The following GRM1 variants were observed in gnomAD, a reference collection of about 807,000 sequenced individuals.
GRM1 encodes the protein metabotropic glutamate receptor 1.
A neutral mutation model predicts 90.9 loss-of-function variants in GRM1; 33 were observed. The observed-to-expected ratio is 0.36, with a 90% CI of 0.28 to 0.49. The LOEUF is 0.49. Ranked by LOEUF, GRM1 falls within the 20% of genes least tolerant of loss-of-function variation. The probability of loss-of-function intolerance (pLI) is 0.99; values close to 1 mark genes in which losing one functional copy is unlikely to be tolerated. For missense variants in GRM1, 1,190 were observed against 1,534.3 expected (o/e 0.78, Z 3.75); for synonymous variants, 700 against 613.2 (o/e 1.14, Z -2.09).
At chr6:146,091,921 T>G (rs1776728187) in intron 1 of GRM1, among the ~76,000 whole-genome samples, 1 of 152,110 alleles carries the variant, frequency 6.6e-6, no homozygotes, top group Admixed American at 6.6e-5. Context: ...ACAAACATGG[T>G]GGCATCTTTG....
chr6:146,420,442 G>A (rs1777952506), intron 7 of GRM1, among the ~76,000 whole-genome samples: 1 of 152,236 alleles, frequency 6.6e-6, no homozygotes, highest in African/African-American at 2.4e-5. Flanking sequence ...GTGGTAGACT[G>A]ATTTTTATCA....
At chr6:146,307,615 C>G (rs1783624277) in intron 3 of GRM1, among the ~76,000 whole-genome samples, 2 of 152,124 alleles carry the variant, frequency 1.3e-5, no homozygotes, top group African/African-American at 4.8e-5. Context: ...CCATAATCTT[C>G]TAACAAATAT....
intron 1 of GRM1, among the ~76,000 whole-genome samples, chr6:146,116,209 G>A (rs1196235374): frequency 6.6e-6 from 1 of 151,966 alleles, no homozygotes; most frequent in Non-Finnish European, 1.5e-5. Flanking sequence ...TGCCCACCCC[G>A]GCCTCCCAAA....
chr6:146,159,691 A>T, intron 2 of GRM1, 94 bp downstream of exon 2: 1 of 1,244,666 alleles, frequency 8.0e-7, no homozygotes, highest in Admixed American at 1.9e-5. Context: ...GCTTGCTTTC[A>T]CAAAACTAGA....
intron 3 of GRM1, 99 bp downstream of exon 3, chr6:146,304,945 A>C (rs1783523091): frequency 1.5e-5 from 13 of 851,002 alleles, no homozygotes; most frequent in Non-Finnish European, 2.6e-5. Context: ...AGGGCTAGAG[A>C]TCCAAAGACA....
At chr6:146,266,326 T>G (rs909276383) in intron 2 of GRM1, among the ~76,000 whole-genome samples, 2 of 152,244 alleles carry the variant, frequency 1.3e-5, no homozygotes, top group Non-Finnish European at 2.9e-5. Context: ...GATTTTGAAT[T>G]ATAACTTAAA....
intron 1 of GRM1, among the ~76,000 whole-genome samples, chr6:146,067,347 A>C (rs984701187): frequency 1.3e-5 from 2 of 152,160 alleles, no homozygotes; most frequent in Non-Finnish European, 2.9e-5. Context: ...GTATAAACTA[A>C]ATTTATGTTT....
intron 1 of GRM1, among the ~76,000 whole-genome samples, chr6:146,109,618 G>A (rs539243838): frequency 5.9e-5 from 9 of 152,294 alleles, no homozygotes; most frequent in South Asian, 4.1e-4. Context: ...CTGTGGCACC[G>A]CCTAGTGGAG....
At chr6:146,084,495 C>G (rs915805329) in intron 1 of GRM1, among the ~76,000 whole-genome samples, 2 of 152,032 alleles carry the variant, frequency 1.3e-5, no homozygotes, top group African/African-American at 2.4e-5. Flanking sequence ...TAATTATTTA[C>G]CCAGGAATCA....
rs189343836 is a variant in GRM1 at position 146,215,819 on chromosome 6, C to G, written c.950+56222C>G. Among the ~76,000 whole-genome samples the G allele has an allele frequency of 8.9e-3, 1,337 of 150,860 alleles. 20 individuals carry two copies. Among genetic ancestry groups the G allele is most frequent in the African/African-American group, 0.03 (1,228 of 41,050 alleles). ...TTGCCCAGGCTGGAGTGCAGTGGCT[C>G]GATCTCAGCTCACTGTAAGCTCCGC... On this transcript the variant is annotated intron_variant, in intron 2 of 7. Transcript: ENST00000282753.
intron 2 of GRM1, among the ~76,000 whole-genome samples, chr6:146,214,047 C>T (rs551869148): frequency 2.6e-5 from 4 of 152,210 alleles, no homozygotes; most frequent in Admixed American, 1.3e-4. Context: ...CCAATTCACC[C>T]TTTTTTCTAA....
chr6:146,167,923 A>G (rs1485832820), intron 2 of GRM1, among the ~76,000 whole-genome samples: 1 of 151,998 alleles, frequency 6.6e-6, no homozygotes, highest in Non-Finnish European at 1.5e-5. Context: ...TTTATGGTTT[A>G]TATTCTTTGT....
intron 7 of GRM1, among the ~76,000 whole-genome samples, chr6:146,427,813 A>T (rs533483621): frequency 6.6e-6 from 1 of 152,300 alleles, no homozygotes; most frequent in South Asian, 2.1e-4. Context: ...GAAGGCACTG[A>T]GTGTTTCTTG....
At chr6:146,247,509 G>A (rs1194555745) in intron 2 of GRM1, among the ~76,000 whole-genome samples, 2 of 152,092 alleles carry the variant, frequency 1.3e-5, no homozygotes, top group Non-Finnish European at 2.9e-5. Context: ...AGCACTTTGG[G>A]AGGCTGAGGC....
At chr6:146,262,381 T>A (rs1472094568) in intron 2 of GRM1, among the ~76,000 whole-genome samples, 2 of 152,076 alleles carry the variant, frequency 1.3e-5, no homozygotes, top group African/African-American at 4.8e-5. Flanking sequence ...CAAAAGTATC[T>A]TAAGTAAATT....
rs140141247 is a variant in GRM1, at chr6:146,303,278, A to C, written c.951-1333A>C. Among the ~76,000 whole-genome samples, 133 of 152,272 alleles carry C rather than the reference A, an allele frequency of 8.7e-4. 1 individual carries two copies. Among genetic ancestry groups the C allele is most frequent in the African/African-American group, 3.0e-3 (126 of 41,562 alleles). On this transcript the variant is annotated intron_variant, in intron 2 of 7. Coordinates refer to ENST00000282753, the MANE Select transcript of GRM1 (RefSeq NM_001278064.2). ...AAATGCTTTCTTTGGCAGAGACTGC[A>C]TCTTTATATTCCACAAACTTCAGGG... is the stretch of plus-strand genomic sequence containing the variant.
intron 2 of GRM1, among the ~76,000 whole-genome samples, chr6:146,185,768 A>G (rs1258086615): frequency 6.6e-6 from 1 of 152,126 alleles, no homozygotes; most frequent in African/African-American, 2.4e-5. Context: ...ATTTCTTAGG[A>G]CAGCTATATT....
chr6:146,221,255 A>G (rs913390181), intron 2 of GRM1, among the ~76,000 whole-genome samples: 5 of 152,224 alleles, frequency 3.3e-5, no homozygotes, highest in Middle Eastern at 3.4e-3. Flanking sequence ...GGTTTGTAAC[A>G]TAGGTATGCA....
intron 1 of GRM1, among the ~76,000 whole-genome samples, chr6:146,073,732 A>T (rs1221289860): frequency 6.6e-6 from 1 of 152,122 alleles, no homozygotes; most frequent in Non-Finnish European, 1.5e-5. Flanking sequence ...TGGCCACAAG[A>T]ATATTAGGCA....
Sources: allele counts gnomAD v4.1 joint callset (sites outside exome capture counted in the v4.1 genomes callset), GRCh38; gene constraint gnomAD v4.1.1; transcripts MANE v1.5; gene names NCBI Gene and HGNC (gene_info 2026-07-23, HGNC 2026-07-21).